VIT: variants seen among roughly 807,000 people sequenced by gnomAD.
The protein encoded by VIT is vitrin.
Under a neutral mutation model 78.0 loss-of-function variants are expected in VIT, and 99 were observed. That is an observed-to-expected ratio of 1.27 (90% confidence interval 1.08 to 1.50). VIT has a LOEUF of 1.50. Among genes scored for constraint, VIT ranks in the 40% most tolerant of loss-of-function variants. The pLI, the probability that VIT is intolerant of heterozygous loss-of-function variation, is 0.00. For synonymous variants in VIT, 374 were observed against 334.3 expected (o/e 1.12, Z -1.29); for missense variants, 1,126 against 875.3 (o/e 1.29, Z -3.61).
At chr2:36,753,132 C>T (rs1408900037) in intron 4 of VIT, among the ~76,000 whole-genome samples, 1 of 151,532 alleles carries the variant, frequency 6.6e-6, no homozygotes, top group Non-Finnish European at 1.5e-5. Flanking sequence ...CGCATGTTCT[C>T]ACTTATACGT....
chr2:36,801,348 G>C lies in VIT; in HGVS notation c.1106G>C (p.Arg369Pro), dbSNP rs773547450. 6.2e-7 allele frequency: 1 copy of C among 1,614,046 alleles called. No homozygotes were observed. The highest frequency in any genetic ancestry group is 8.5e-7 in the Non-Finnish European group (1 of 1,180,032). Residue 369 changes from arginine to proline, a missense_variant, in exon 13 of 16, where the codon CGA becomes CCA. By Grantham distance (103) the Arg-to-Pro change is moderately radical (BLOSUM62 -2). Transcript: ENST00000379242. ...HFNLKTHTNS[R>P]DLKTAIEKIT... ...AACCTCAAGACACACACGAATTCTC[G>C]AGATCTGAAGACAGCCATAGAGAAA...
rs189792077 is a variant in VIT at position 36,722,454 on chromosome 2, T to C, written c.52+6032T>C. Among the ~76,000 whole-genome samples the C allele has an allele frequency of 1.4e-4, 21 of 152,362 alleles. No individual in the cohort carries two copies. In the East Asian group the frequency reaches 3.9e-3, roughly 28 times the overall value. ...AAGCATAATTTTATGATTTATGTGA[T>C]TGTAGAGAATAAGCTGTCATGGCTT... On this transcript the variant is annotated intron_variant, in intron 2 of 15. Coordinates refer to ENST00000379242, the MANE Select transcript of VIT (RefSeq NM_053276.4).
chr2:36,757,224 T>C (rs868310463), intron 5 of VIT, among the ~76,000 whole-genome samples: 8 of 152,348 alleles, frequency 5.3e-5, no homozygotes, highest in Middle Eastern at 3.4e-3. Context: ...GGTGCCACCA[T>C]GATCTTTCTC....
rs757456741 is a variant in VIT at position 36,808,775 on chromosome 2, G to C, written c.1693G>C (p.Asp565His). ...TYEQRLEFGF[D>H]KYSSKPDILN... ...CGAACAGCGGCTGGAGTTTGGGTTC[G>C]ACAAGTACAGCAGCAAGCCTGACAT... The change falls in exon 15 of 16, where the codon GAC becomes CAC. Residue 565 changes from aspartate (D) to histidine (H), a missense_variant. Physicochemically the swap from Asp to His is moderately conservative, Grantham distance 81. Coordinates refer to ENST00000379242, the MANE Select transcript of VIT (RefSeq NM_053276.4). The C allele has an allele frequency of 1.2e-6, 2 of 1,613,942 alleles. No individual in the cohort carries two copies. The highest frequency in any genetic ancestry group is 1.7e-6 in the Non-Finnish European group (2 of 1,179,828).
At chr2:36,794,162 T>TA (rs1665697980) in intron 12 of VIT, among the ~76,000 whole-genome samples, 1 of 152,222 alleles carries the variant, frequency 6.6e-6, no homozygotes. Context: ...CATTTACTGT[T>TA]ACACAAATTC....
rs80161832 is a variant in VIT at position 36,745,250 on chromosome 2, C to G, written c.275+1994C>G. 4.3e-3 allele frequency among the ~76,000 whole-genome samples: 651 copies of G among 152,112 alleles called. 1 individual carries two copies. Among genetic ancestry groups the G allele is most frequent in the African/African-American group, 0.015 (621 of 41,518 alleles). On this transcript the variant is annotated intron_variant, in intron 4 of 15. Coordinates refer to ENST00000379242, the MANE Select transcript of VIT (RefSeq NM_053276.4). ...TAGTATTAAGTCTGATAATGTGATA[C>G]CTCCAGCTTTTTTCTTTTTGCTTAG...
intron 14 of VIT, among the ~76,000 whole-genome samples, chr2:36,807,681 C>T (rs1666829477): frequency 6.6e-6 from 1 of 152,178 alleles, no homozygotes; most frequent in South Asian, 2.1e-4. Flanking sequence ...GAACATTATA[C>T]CAGCCACTTC....
rs960290849 is a variant in VIT at position 36,767,139 on chromosome 2, C to A, written c.533C>A (p.Thr178Asn). 6.2e-7 allele frequency: 1 copy of A among 1,607,732 alleles called. No individual in the cohort carries two copies. Residue 178 changes from threonine (T) to asparagine (N), a missense_variant, in exon 7 of 16, where the codon ACT (threonine) becomes AAT (asparagine). Thr to Asn is a moderately conservative substitution (Grantham distance 65). Coordinates refer to ENST00000379242, the MANE Select transcript of VIT (RefSeq NM_053276.4). ...CAGAGGCCACCTATTCCAGGGACAA[C>A]TGCACAGCCGGTCACTCTGATGCAG... ...AYQRPPIPGT[T>N]AQPVTLMQLL...
intron 12 of VIT, among the ~76,000 whole-genome samples, chr2:36,788,965 C>T (rs1572542280): frequency 6.6e-6 from 1 of 152,140 alleles, no homozygotes; most frequent in Non-Finnish European, 1.5e-5. Context: ...AACATTTTCC[C>T]CACATACTCC....
rs747284824 is a variant in VIT at position 36,805,604 on chromosome 2, C to T, written c.1329C>T (p.Thr443=). The T allele has an allele frequency of 3.7e-6, 6 of 1,614,138 alleles. No individual in the cohort carries two copies. Among genetic ancestry groups the T allele is most frequent in the Non-Finnish European group, 5.1e-6 (6 of 1,180,036 alleles). Residue 443 remains threonine, a synonymous_variant, in exon 14 of 16, where the codon ACC becomes ACT. Coordinates refer to ENST00000379242, the MANE Select transcript of VIT (RefSeq NM_053276.4). ...CAGGAATCAACATTTTCTTCATCAC[C>T]ATTGAAGGTGCTGCTGAAAATGAGA... The part of the protein sequence containing the change: ...RESGINIFFI[T]IEGAAENEKQ...
intron 15 of VIT, among the ~76,000 whole-genome samples, chr2:36,813,317 G>A (rs1017644916): frequency 6.6e-6 from 1 of 151,958 alleles, no homozygotes; most frequent in African/African-American, 2.4e-5. Context: ...AGGTGCAGTG[G>A]CACATGCTGT....
intron 12 of VIT, among the ~76,000 whole-genome samples, chr2:36,794,109 C>A (rs538903233): frequency 6.6e-6 from 1 of 152,322 alleles, no homozygotes; most frequent in Non-Finnish European, 1.5e-5. Flanking sequence ...CACCTGTGCC[C>A]ATTTCTGACA....
At chr2:36,718,912 A>C (rs943433675) in intron 2 of VIT, among the ~76,000 whole-genome samples, 3 of 152,170 alleles carry the variant, frequency 2.0e-5, no homozygotes, top group Non-Finnish European at 4.4e-5. Flanking sequence ...TTGGGAGGCT[A>C]CCTCTCTTTT....
At chr2:36,800,170 C>T (rs1236380527) in intron 12 of VIT, among the ~76,000 whole-genome samples, 2 of 152,046 alleles carry the variant, frequency 1.3e-5, no homozygotes, top group Non-Finnish European at 2.9e-5. Flanking sequence ...GATGGTGAAA[C>T]CCTGTCTCTA....
chr2:36,716,096 T>C (rs543362644), intron 1 of VIT, among the ~76,000 whole-genome samples: 110 of 152,296 alleles, frequency 7.2e-4, no homozygotes, highest in African/African-American at 2.6e-3. Context: ...TCCTCTTCAG[T>C]TCTAAGTAAA....
At chr2:36,797,654 G>C (rs1666004086) in intron 12 of VIT, among the ~76,000 whole-genome samples, 1 of 152,198 alleles carries the variant, frequency 6.6e-6, no homozygotes, top group African/African-American at 2.4e-5. Context: ...TGAGGTTCAA[G>C]AAAGGGGACC....
intron 3 of VIT, among the ~76,000 whole-genome samples, chr2:36,740,920 C>A (rs1430202697): frequency 6.6e-6 from 1 of 152,142 alleles, no homozygotes; most frequent in Non-Finnish European, 1.5e-5. Context: ...AATAAGCTTC[C>A]AGATAGAGAC....
In VIT at chr2:36,710,836, G is replaced by T. The variant is rs78105294; in HGVS notation, c.-18-5517G>T. ...TAGATTTTGCATCGTTCCCAGTTTG[G>T]AGCTATGGGAAACAAAGCTGTTAAA... On this transcript the variant is annotated intron_variant, in intron 1 of 15. Coordinates refer to ENST00000379242, the MANE Select transcript of VIT (RefSeq NM_053276.4). 3.4e-3 allele frequency among the ~76,000 whole-genome samples: 522 copies of T among 152,228 alleles called. 5 individuals are homozygous for T. The highest frequency in any genetic ancestry group is 0.012 in the African/African-American group (502 of 41,520).
chr2:36,751,168 G>C (rs1477763037), intron 4 of VIT, among the ~76,000 whole-genome samples: 1 of 152,174 alleles, frequency 6.6e-6, no homozygotes, highest in Non-Finnish European at 1.5e-5. Context: ...GGCCAAGGCG[G>C]GCAGATCACC....
Sources: gnomAD v4.1 joint callset for allele counts (sites outside exome capture counted in the v4.1 genomes callset) on GRCh38, gnomAD v4.1.1 for gene constraint, MANE v1.5 for transcripts, NCBI Gene and HGNC (gene_info 2026-07-23, HGNC 2026-07-21) for gene names.